The following PLCE1 variants were observed in gnomAD, a reference collection of about 807,000 sequenced individuals.
The protein encoded by PLCE1 is phospholipase C epsilon 1, also known as 1-phosphatidylinositol 4,5-bisphosphate phosphodiesterase epsilon-1.
Under a neutral mutation model 242.8 loss-of-function variants are expected in PLCE1, and 119 were observed. The ratio of observed to expected loss-of-function variants is 0.49; its 90% CI spans 0.42 to 0.57. The LOEUF (loss-of-function observed/expected upper bound fraction) is 0.57. Ranked by LOEUF, PLCE1 falls within the 20% of genes least tolerant of loss-of-function variation. The pLI is 0.00. For synonymous variants in PLCE1, 945 were observed against 1,017.4 expected (o/e 0.93, Z 1.35); for missense variants, 2,441 against 2,788.8 (o/e 0.88, Z 2.81).
intron 4 of PLCE1, among the ~76,000 whole-genome samples, chr10:94,180,333 G>C (rs2048273503): frequency 6.6e-6 from 1 of 152,052 alleles, no homozygotes; most frequent in Non-Finnish European, 1.5e-5. Context: ...CATCTCCTTT[G>C]AACTAGGAGA....
At chr10:94,161,452 T>G (rs1280742715) in intron 3 of PLCE1, among the ~76,000 whole-genome samples, 2 of 152,320 alleles carry the variant, frequency 1.3e-5, no homozygotes, top group East Asian at 3.9e-4. Context: ...ATGATTTGGC[T>G]CTCTGTCTGT....
chr10:94,119,611 T>C (rs144001200), intron 2 of PLCE1, among the ~76,000 whole-genome samples: 319 of 152,304 alleles, frequency 2.1e-3, no homozygotes, highest in African/African-American at 7.1e-3. Context: ...TTACTGTCTT[T>C]AGGTTGTGTC....
At chr10:94,015,964 G>C (rs919156365) in intron 1 of PLCE1, among the ~76,000 whole-genome samples, 1 of 152,120 alleles carries the variant, frequency 6.6e-6, no homozygotes, top group Non-Finnish European at 1.5e-5. Context: ...AAAATTATTT[G>C]TTGAATGAGT....
rs1022124982 is a variant in PLCE1 at position 94,332,329 on chromosome 10, C to T, written c.*4386C>T. The T allele has an allele frequency of 1.3e-5, 2 of 152,068 alleles. No homozygotes were observed. The highest frequency in any genetic ancestry group is 2.9e-5 in the Non-Finnish European group (2 of 68,034). The allele number at this position is 152,068 out of a possible 1,614,324, so 9.4% of individuals were successfully genotyped here. A position where few individuals can be genotyped will look rare whatever the true frequency, so the allele number is the denominator to read the frequency against. On this transcript the variant is annotated 3_prime_UTR_variant, in exon 33 of 33. Coordinates refer to ENST00000371380, the MANE Select transcript of PLCE1 (RefSeq NM_016341.4). ...TGGGTACTGTCGCATTTTTCAAAAG[C>T]GTTATGTGGATGATTTGACTCAGCA...
intron 2 of PLCE1, chr10:94,105,331 C>G (rs770153555): frequency 5.9e-5 from 9 of 152,452 alleles, no homozygotes; most frequent in Non-Finnish European, 1.0e-4. Context: ...CACCTGACCC[C>G]TCCAGTCTCA....
chr10:94,235,482 G>A (rs944713558), intron 6 of PLCE1, among the ~76,000 whole-genome samples: 1 of 152,142 alleles, frequency 6.6e-6, no homozygotes, highest in Non-Finnish European at 1.5e-5. Flanking sequence ...GAACACATGA[G>A]CAATAAAGCA....
In PLCE1 at chr10:94,171,495, A is replaced by T. The variant is rs2047977233; in HGVS notation, c.1808A>T (p.Glu603Val). 2 of 1,612,956 alleles carry T rather than the reference A, an allele frequency of 1.2e-6. No individual in the cohort carries two copies. The highest frequency in any genetic ancestry group is 8.5e-7 in the Non-Finnish European group (1 of 1,178,946). ...GAAGATCTGGTGATGAGGTTTAATG[A>T]GGTAAGAAGCCACTTTTTGATGTCT... ...ALEDLVMRFN[E>V]VSSWVTWLIL... is the part of the protein sequence containing the mutation. Residue 603 changes from glutamate to valine, a missense_variant and splice_region_variant, in exon 4 of 33, where the codon GAG (glutamate) becomes GTG (valine). Transcript: ENST00000371380.
At chr10:94,292,884 A>C (rs992990575) in intron 22 of PLCE1, among the ~76,000 whole-genome samples, 2 of 152,206 alleles carry the variant, frequency 1.3e-5, no homozygotes, top group Non-Finnish European at 2.9e-5. Flanking sequence ...TTCAGCAAAT[A>C]TGTATTCAGT....
intron 11 of PLCE1, among the ~76,000 whole-genome samples, chr10:94,255,906 ACACACACACTCTCTCTCTCT>A (rs1564834276): frequency 2.0e-5 from 2 of 98,452 alleles, no homozygotes; most frequent in African/African-American, 8.3e-5. Flanking sequence ...ACACACACAC[ACACACACACTCTCTCTCTCT>A]CTCTCTCTCT....
chr10:94,073,120 TC>T (rs746013160), intron 2 of PLCE1, among the ~76,000 whole-genome samples: 1 of 152,066 alleles, frequency 6.6e-6, no homozygotes, highest in Non-Finnish European at 1.5e-5. Flanking sequence ...ACCCCAAACT[TC>T]CAGCATTTTC....
intron 1 of PLCE1, among the ~76,000 whole-genome samples, chr10:94,000,087 C>T (rs529020651): frequency 6.6e-6 from 1 of 152,238 alleles, no homozygotes; most frequent in African/African-American, 2.4e-5. Context: ...AGATCTCTAT[C>T]GTTTACTTCG....
At chr10:94,096,264 C>G (rs996504101) in intron 2 of PLCE1, 2 of 152,184 alleles carry the variant, frequency 1.3e-5, no homozygotes, top group Non-Finnish European at 2.9e-5. Flanking sequence ...TGTTGCTTAT[C>G]TAACAGATTG....
At chr10:94,278,938 A>G (rs927783371) in intron 19 of PLCE1, among the ~76,000 whole-genome samples, 2 of 152,250 alleles carry the variant, frequency 1.3e-5, no homozygotes, top group African/African-American at 4.8e-5. Flanking sequence ...AGTATATTCA[A>G]TGCATAAATA....
At chr10:94,006,758 T>TG (rs1462442385) in intron 1 of PLCE1, among the ~76,000 whole-genome samples, 5 of 152,328 alleles carry the variant, frequency 3.3e-5, no homozygotes, top group Admixed American at 2.0e-4. Context: ...ATTTCCCAAA[T>TG]TGGCAAATGA....
intron 4 of PLCE1, among the ~76,000 whole-genome samples, chr10:94,175,535 C>G (rs1422146845): frequency 6.6e-6 from 1 of 152,150 alleles, no homozygotes; most frequent in African/African-American, 2.4e-5. Context: ...GGGTATCCAT[C>G]ATCTCAAGTA....
chr10:94,312,881 A>AATTT (rs1434529909), intron 27 of PLCE1, among the ~76,000 whole-genome samples: 1 of 152,214 alleles, frequency 6.6e-6, no homozygotes, highest in Non-Finnish European at 1.5e-5. Context: ...GTACTCTCTA[A>AATTT]AGGCAGAACA....
At position 94,138,547 on chromosome 10, in the gene PLCE1, A is replaced by C. The variant is rs189073258; in HGVS notation, c.1492+6088A>C. 11 of 476,238 alleles carry C rather than the reference A, an allele frequency of 2.3e-5. No individual in the cohort carries two copies. The Admixed American group carries it at 2.5e-4, about 11-fold the overall frequency. 29.5% of individuals were successfully genotyped at this position (476,238 alleles called of 1,614,324 possible). A position where few individuals can be genotyped will look rare whatever the true frequency, so the allele number is the denominator to read the frequency against. On this transcript the variant is annotated intron_variant, in intron 3 of 32. Coordinates refer to ENST00000371380, the MANE Select transcript of PLCE1 (RefSeq NM_016341.4). ...GTGCTGTGGTCATACAGTGTGACTC[A>C]GACTCCATCTGGGGATCAGTTAGGT...
intron 29 of PLCE1, among the ~76,000 whole-genome samples, chr10:94,321,167 A>G (rs2053785033): frequency 6.6e-6 from 1 of 152,178 alleles, no homozygotes; most frequent in African/African-American, 2.4e-5. Flanking sequence ...CAACCTGTCA[A>G]TTTCATGGTT....
intron 2 of PLCE1, among the ~76,000 whole-genome samples, chr10:94,102,668 C>A (rs931710608): frequency 6.6e-6 from 1 of 152,200 alleles, no homozygotes; most frequent in African/African-American, 2.4e-5. Context: ...GGCCAGAACT[C>A]ATGCCAGCGC....
Sources: gnomAD v4.1 joint callset for allele counts (sites outside exome capture counted in the v4.1 genomes callset) on GRCh38, gnomAD v4.1.1 for gene constraint, MANE v1.5 for transcripts, NCBI Gene and HGNC (gene_info 2026-07-23, HGNC 2026-07-21) for gene names.